CTNNA2: variants seen among roughly 807,000 people sequenced by gnomAD.
The protein encoded by CTNNA2 is catenin alpha-2.
Under a neutral mutation model 101.0 loss-of-function variants are expected in CTNNA2, and 42 were observed. The ratio of observed to expected loss-of-function variants is 0.42; its 90% CI spans 0.32 to 0.54. CTNNA2 has a LOEUF of 0.54. CTNNA2 is among the 20% of genes least tolerant of loss of function. CTNNA2 has a pLI of 0.14. For synonymous variants in CTNNA2, 450 were observed against 456.4 expected (o/e 0.99, Z 0.18); for missense variants, 871 against 1,223.1 (o/e 0.71, Z 4.29).
intron 1 of CTNNA2, among the ~76,000 whole-genome samples, chr2:79,185,798 T>C (rs1157723794): frequency 6.6e-6 from 1 of 152,128 alleles, no homozygotes; most frequent in Non-Finnish European, 1.5e-5. Flanking sequence ...GATTGTGTTC[T>C]TTTGAGTTTC....
chr2:80,092,233 C>G (rs1699835087), intron 7 of CTNNA2, among the ~76,000 whole-genome samples: 1 of 152,122 alleles, frequency 6.6e-6, no homozygotes, highest in Admixed American at 6.6e-5. Flanking sequence ...GCCGTTGTAA[C>G]TCTGCACAGG....
At chr2:79,954,105 C>T (rs750345410) in intron 7 of CTNNA2, among the ~76,000 whole-genome samples, 1 of 152,108 alleles carries the variant, frequency 6.6e-6, no homozygotes, top group Non-Finnish European at 1.5e-5. Flanking sequence ...CAAGGCACCT[C>T]CTTCACAGGC....
rs911992459 is a variant in CTNNA2 at position 79,901,262 on chromosome 2, G to C, written c.853-8332G>C. On this transcript the variant is annotated intron_variant, in intron 6 of 18. Transcript: ENST00000402739. ...AGATAAAAGTGAATGACTGCATAGA[G>C]GCATGTTGACATTTATTCTTTCTTC... Among the ~76,000 whole-genome samples, 3 of 151,306 alleles carry C rather than the reference G, an allele frequency of 2.0e-5. No individual in the cohort carries two copies. The East Asian group carries it at 5.9e-4, about 30-fold the overall frequency.
intron 7 of CTNNA2, among the ~76,000 whole-genome samples, chr2:80,202,673 A>G (rs1707278290): frequency 6.6e-6 from 1 of 152,144 alleles, no homozygotes; most frequent in South Asian, 2.1e-4. Flanking sequence ...ACAAAGCTCA[A>G]CTAATAATCA....
intron 2 of CTNNA2, among the ~76,000 whole-genome samples, chr2:79,280,663 A>AAGAGAGAGAGAGAGTG (rs1675346112): frequency 2.0e-5 from 1 of 49,348 alleles, no homozygotes; most frequent in Non-Finnish European, 3.8e-5. Flanking sequence ...GTGTAAGAGA[A>AAGAGAGAGAGAGAGTG]AGAGAGAGAG....
At chr2:80,590,846 C>T (rs575682973) in intron 15 of CTNNA2, among the ~76,000 whole-genome samples, 4 of 152,080 alleles carry the variant, frequency 2.6e-5, no homozygotes, top group East Asian at 1.9e-4. Flanking sequence ...TTTCACAAAG[C>T]GTAACAGCAG....
At chr2:79,476,261 T>C (rs2104551806) in intron 4 of CTNNA2, among the ~76,000 whole-genome samples, 1 of 152,220 alleles carries the variant, frequency 6.6e-6, no homozygotes, top group East Asian at 1.9e-4. Context: ...TCTTTAGGAA[T>C]ACAATGTAAG....
At chr2:79,414,966 T>C (rs1678461851) in intron 4 of CTNNA2, among the ~76,000 whole-genome samples, 2 of 152,166 alleles carry the variant, frequency 1.3e-5, no homozygotes, top group South Asian at 4.1e-4. Flanking sequence ...ATGTATTGTT[T>C]GACACCACCA....
chr2:79,954,213 G>A (rs930414170), intron 7 of CTNNA2, among the ~76,000 whole-genome samples: 21 of 152,234 alleles, frequency 1.4e-4, no homozygotes, highest in Non-Finnish European at 2.9e-4. Context: ...ACAGCATGGG[G>A]GAAACCACCC....
intron 1 of CTNNA2, among the ~76,000 whole-genome samples, chr2:79,550,424 T>C (rs1674026152): frequency 6.6e-6 from 1 of 152,158 alleles, no homozygotes; most frequent in Admixed American, 6.5e-5. Context: ...TGCACGTCAC[T>C]CTTAGCATGT....
chr2:80,150,902 T>C (rs1007945263), intron 7 of CTNNA2, among the ~76,000 whole-genome samples: 2 of 152,190 alleles, frequency 1.3e-5, no homozygotes, highest in Non-Finnish European at 2.9e-5. Flanking sequence ...GGGATGGTCG[T>C]GGGCAGGTAA....
intron 1 of CTNNA2, among the ~76,000 whole-genome samples, chr2:79,535,371 A>AT (rs1454326027): frequency 6.6e-6 from 1 of 151,366 alleles, no homozygotes; most frequent in Non-Finnish European, 1.5e-5. Flanking sequence ...CGCCCAGCTA[A>AT]TTTTTTGTAT....
At chr2:80,250,752 T>C (rs1429586175) in intron 7 of CTNNA2, among the ~76,000 whole-genome samples, 1 of 152,136 alleles carries the variant, frequency 6.6e-6, no homozygotes, top group East Asian at 1.9e-4. Context: ...TATGCTGAAC[T>C]TCTAGTTCTG....
chr2:80,215,524 C>T (rs1293164953), intron 7 of CTNNA2, among the ~76,000 whole-genome samples: 5 of 152,164 alleles, frequency 3.3e-5, no homozygotes, highest in Non-Finnish European at 5.9e-5. Context: ...TGCTGGAGGT[C>T]GACTCCAGAC....
chr2:79,482,029 T>C (rs1671115069), intron 4 of CTNNA2, among the ~76,000 whole-genome samples: 1 of 152,204 alleles, frequency 6.6e-6, no homozygotes, highest in South Asian at 2.1e-4. Context: ...CTGAACAGAC[T>C]GTGTTGTGGC....
rs183611710 is a variant in CTNNA2, at chr2:80,421,926, G to A, written c.1290+2325G>A. On this transcript the variant is annotated intron_variant, in intron 9 of 18. Coordinates refer to ENST00000402739, the MANE Select transcript of CTNNA2 (RefSeq NM_001282597.3). ...TCTGTGTCTGTAATATGAAAAAGTCGGTTTGTATATTGATTTTATATCCAT... is the reference window on the plus strand; with the variant it reads ...TCTGTGTCTGTAATATGAAAAAGTCAGTTTGTATATTGATTTTATATCCAT... Among the ~76,000 whole-genome samples, 8 of 151,904 alleles carry A rather than the reference G, an allele frequency of 5.3e-5. No individual in the cohort carries two copies. In the East Asian group the frequency reaches 5.8e-4, roughly 11 times the overall value.
intron 2 of CTNNA2, among the ~76,000 whole-genome samples, chr2:79,708,204 T>C (rs573986752): frequency 1.3e-5 from 2 of 152,328 alleles, no homozygotes; most frequent in African/African-American, 4.8e-5. Context: ...ATTTCAGTGT[T>C]TCACTCTTGC....
intron 3 of CTNNA2, among the ~76,000 whole-genome samples, chr2:79,327,682 C>T (rs919568836): frequency 6.6e-6 from 1 of 152,082 alleles, no homozygotes; most frequent in African/African-American, 2.4e-5. Context: ...TATGGAAGTA[C>T]CAGGGAAAGG....
chr2:79,463,816 A>G (rs939287292), intron 4 of CTNNA2, among the ~76,000 whole-genome samples: 5 of 152,136 alleles, frequency 3.3e-5, no homozygotes, highest in South Asian at 2.1e-4. Context: ...TATGTTCTCA[A>G]TAGTCAAGCA....
Sources: allele counts gnomAD v4.1 joint callset (sites outside exome capture counted in the v4.1 genomes callset), GRCh38; gene constraint gnomAD v4.1.1; transcripts MANE v1.5; gene names NCBI Gene and HGNC (gene_info 2026-07-23, HGNC 2026-07-21).